GRID1: variants seen among roughly 807,000 people sequenced by gnomAD.
The protein encoded by GRID1 is glutamate receptor ionotropic, delta-1.
Under a neutral mutation model 98.0 loss-of-function variants are expected in GRID1, and 28 were observed. The ratio of observed to expected loss-of-function variants is 0.29; its 90% CI spans 0.21 to 0.39. GRID1 has a LOEUF of 0.39. GRID1 is among the 10% of genes least tolerant of loss of function. The pLI, the probability that GRID1 is intolerant of heterozygous loss-of-function variation, is 1.00. For missense variants in GRID1, 1,111 were observed against 1,340.5 expected (o/e 0.83, Z 2.67); for synonymous variants, 553 against 538.5 (o/e 1.03, Z -0.37).
At chr10:85,823,701 T>C (rs1842793552) in intron 8 of GRID1, among the ~76,000 whole-genome samples, 1 of 152,068 alleles carries the variant, frequency 6.6e-6, no homozygotes. Flanking sequence ...GTAAGACTAC[T>C]GAAAACTTTA....
chr10:85,651,214 C>T (rs1460630940), intron 12 of GRID1, among the ~76,000 whole-genome samples: 1 of 152,220 alleles, frequency 6.6e-6, no homozygotes, highest in Non-Finnish European at 1.5e-5. Flanking sequence ...CAGACATATA[C>T]CTGGTACACA....
chr10:85,847,687 C>T (rs976542648), intron 8 of GRID1, among the ~76,000 whole-genome samples: 4 of 151,604 alleles, frequency 2.6e-5, no homozygotes, highest in African/African-American at 7.3e-5. Flanking sequence ...TATCCCAAAT[C>T]CATCCCAGTT....
intron 8 of GRID1, among the ~76,000 whole-genome samples, chr10:85,765,584 T>C (rs1204273562): frequency 6.6e-6 from 1 of 152,200 alleles, no homozygotes; most frequent in African/African-American, 2.4e-5. Flanking sequence ...TTATTTATGA[T>C]ATTCTATAAA....
chr10:86,032,247 T>C (rs1484075877), intron 4 of GRID1, among the ~76,000 whole-genome samples: 14 of 151,704 alleles, frequency 9.2e-5, no homozygotes, highest in Admixed American at 9.2e-4. Flanking sequence ...GTCCTGGAGG[T>C]GGGGGGCGCC....
rs1843209332 is a variant in GRID1, at chr10:85,647,357, C to T, written c.2038G>A (p.Gly680Ser). Reference sequence around the variant, plus strand: ...TATACAGCAGAATCCCGGACAGTGCCATAAGACATTTCCACTTGTTTGGAC... The same window carrying T: ...TATACAGCAGAATCCCGGACAGTGCTATAAGACATTTCCACTTGTTTGGAC... ...DLSKQVEMSY[G>S]TVRDSAVYEY... The change falls in exon 13 of 16, where the codon GGC becomes AGC. Residue 680 changes from glycine to serine, a missense_variant. By Grantham distance (56) the Gly-to-Ser change is moderately conservative (BLOSUM62 0). Around this residue, in one of 3 missense-constraint regions of GRID1, gnomAD observed 762 missense variants for 869.1 expected, o/e 0.88. Transcript: ENST00000327946. 6.2e-7 allele frequency: 1 copy of T among 1,614,116 alleles called. No individual in the cohort carries two copies. The highest frequency in any genetic ancestry group is 1.3e-5 in the African/African-American group (1 of 74,944).
intron 4 of GRID1, among the ~76,000 whole-genome samples, chr10:86,110,120 G>A (rs751832824): frequency 2.0e-5 from 3 of 151,898 alleles, no homozygotes; most frequent in African/African-American, 4.8e-5. Flanking sequence ...TTACAGGCAC[G>A]TGCCACCACG....
In GRID1 at chr10:86,152,528, T is replaced by C. The variant is rs1845183648; in HGVS notation, c.521-13504A>G. On this transcript the variant is annotated intron_variant, in intron 3 of 15. Transcript: ENST00000327946. The stretch of plus-strand genomic sequence containing the variant: ...AGCTGGAGCAGATGCTGCCTAGCTC[T>C]CAGGGAGGCCACTTCAGGGCAGGGC... Among the ~76,000 whole-genome samples the C allele has an allele frequency of 2.0e-5, 3 of 152,332 alleles. No homozygotes were observed. The South Asian group carries it at 6.2e-4, about 32-fold the overall frequency.
At chr10:85,640,090 C>A (rs1843097286) in intron 13 of GRID1, among the ~76,000 whole-genome samples, 1 of 152,122 alleles carries the variant, frequency 6.6e-6, no homozygotes, top group Non-Finnish European at 1.5e-5. Context: ...CTAGATGGAG[C>A]ATAACATTTA....
intron 12 of GRID1, among the ~76,000 whole-genome samples, chr10:85,697,444 T>G (rs1269199893): frequency 1.3e-5 from 2 of 152,176 alleles, no homozygotes; most frequent in African/African-American, 4.8e-5. Flanking sequence ...AGCTTTCTTA[T>G]GCTTACTGTT....
At chr10:86,069,327 G>C (rs942018319) in intron 4 of GRID1, among the ~76,000 whole-genome samples, 1 of 152,200 alleles carries the variant, frequency 6.6e-6, no homozygotes, top group Admixed American at 6.5e-5. Flanking sequence ...CCAGACCAGA[G>C]AGCCTCGCCC....
chr10:86,286,862 G>A (rs1227324280), intron 2 of GRID1, among the ~76,000 whole-genome samples: 1 of 152,224 alleles, frequency 6.6e-6, no homozygotes, highest in Non-Finnish European at 1.5e-5. Context: ...AACCAGAGGA[G>A]CAGAAATCAG....
chr10:86,335,324 C>T (rs72845116), intron 2 of GRID1, among the ~76,000 whole-genome samples: 3,106 of 152,280 alleles, frequency 0.02, 51 homozygotes, highest in Non-Finnish European at 0.028. Flanking sequence ...ATGGGCTTTG[C>T]AAAGCACTAA....
At chr10:86,313,780 A>T (rs1466093344) in intron 2 of GRID1, among the ~76,000 whole-genome samples, 6 of 151,736 alleles carry the variant, frequency 4.0e-5, no homozygotes, top group Admixed American at 2.0e-4. Flanking sequence ...GGGGCGTCCC[A>T]CTCTTCCCAC....
chr10:85,912,080 A>C (rs886301864), intron 5 of GRID1, among the ~76,000 whole-genome samples: 17 of 152,220 alleles, frequency 1.1e-4, no homozygotes, highest in African/African-American at 4.1e-4. Context: ...CCTGCCTTCA[A>C]ACAAACCTTT....
intron 5 of GRID1, among the ~76,000 whole-genome samples, chr10:85,881,872 T>G (rs1387316888): frequency 2.0e-5 from 3 of 151,930 alleles, no homozygotes; most frequent in African/African-American, 7.3e-5. Context: ...TGCAATCTAC[T>G]CATCTGACAA....
At chr10:86,344,360 A>G (rs964257805) in intron 2 of GRID1, among the ~76,000 whole-genome samples, 23 of 152,260 alleles carry the variant, frequency 1.5e-4, no homozygotes, top group African/African-American at 5.1e-4. Flanking sequence ...ACAGCCAATA[A>G]GAGGCAGAAG....
Position 85,816,691 on chromosome 10 carries a change from G to A in GRID1, c.1233+37805C>T, listed in dbSNP as rs145109608. Among the ~76,000 whole-genome samples the A allele has an allele frequency of 1.5e-3, 233 of 152,194 alleles. 1 individual carries two copies. Among genetic ancestry groups the A allele is most frequent in the African/African-American group, 5.4e-3 (223 of 41,558 alleles). Reference sequence around the variant, plus strand: ...ATTGTATAATTTTTTCATGCTTTTTGTTATCATTATTATTTTAACGTTTAT... The same window carrying A: ...ATTGTATAATTTTTTCATGCTTTTTATTATCATTATTATTTTAACGTTTAT... On this transcript the variant is annotated intron_variant, in intron 8 of 15. Transcript: ENST00000327946.
At chr10:86,249,845 G>C (rs915913004) in intron 2 of GRID1, among the ~76,000 whole-genome samples, 3 of 152,174 alleles carry the variant, frequency 2.0e-5, no homozygotes, top group Non-Finnish European at 4.4e-5. Flanking sequence ...CCCAGTTCCT[G>C]GTACAGTAAC....
intron 5 of GRID1, among the ~76,000 whole-genome samples, chr10:85,886,182 T>A (rs2131806600): frequency 6.6e-6 from 1 of 152,252 alleles, no homozygotes; most frequent in South Asian, 2.1e-4. Flanking sequence ...TTTTAGATGG[T>A]TTTCTGAATC....
Sources: gnomAD v4.1 joint callset for allele counts (sites outside exome capture counted in the v4.1 genomes callset) on GRCh38, gnomAD v4.1.1 for gene constraint, gnomAD v4.1.1 regional missense constraint, MANE v1.5 for transcripts, NCBI Gene and HGNC (gene_info 2026-07-23, HGNC 2026-07-21) for gene names.